ADGRG6: variants seen among roughly 807,000 people sequenced by gnomAD.
ADGRG6 encodes the protein adhesion G protein-coupled receptor G6.
A neutral mutation model predicts 142.4 loss-of-function variants in ADGRG6; 84 were observed. The ratio of observed to expected loss-of-function variants is 0.59; its 90% CI spans 0.49 to 0.71. ADGRG6 has a LOEUF of 0.71. Ranked by LOEUF, ADGRG6 falls within the 30% of genes least tolerant of loss-of-function variation. The probability of loss-of-function intolerance (pLI) is 0.00; values close to 1 mark genes in which losing one functional copy is unlikely to be tolerated. For synonymous variants in ADGRG6, 521 were observed against 520.5 expected (o/e 1.00, Z -0.01); for missense variants, 1,367 against 1,466.6 (o/e 0.93, Z 1.11).
intron 22 of ADGRG6, among the ~76,000 whole-genome samples, chr6:142,430,387 A>G (rs1741391137): frequency 6.6e-6 from 1 of 152,212 alleles, no homozygotes; most frequent in Admixed American, 6.5e-5. Context: ...TTAGAGCACC[A>G]AGTAAATGAC....
At chr6:142,329,286 T>TG (rs1182121789) in intron 2 of ADGRG6, among the ~76,000 whole-genome samples, 1 of 152,168 alleles carries the variant, frequency 6.6e-6, no homozygotes, top group Non-Finnish European at 1.5e-5. Context: ...GGAGAGTTTC[T>TG]GGGGTAATAT....
intron 2 of ADGRG6, among the ~76,000 whole-genome samples, chr6:142,321,358 A>G (rs935941912): frequency 6.6e-6 from 1 of 151,872 alleles, no homozygotes; most frequent in East Asian, 1.9e-4. Flanking sequence ...GTATTTATCC[A>G]AAAGAAATGA....
intron 24 of ADGRG6, among the ~76,000 whole-genome samples, chr6:142,442,455 A>G (rs1051270419): frequency 6.6e-6 from 1 of 152,150 alleles, no homozygotes; most frequent in African/African-American, 2.4e-5. Context: ...ATCTGAGCCA[A>G]TTTTAGAAAG....
rs1451131040 is a variant in ADGRG6 at position 142,403,943 on chromosome 6, T to C, written c.2097T>C (p.Gly699=). 1.9e-6 allele frequency: 3 copies of C among 1,610,378 alleles called. No individual in the cohort carries two copies. In the African/African-American group the frequency reaches 4.0e-5, roughly 22 times the overall value. ...GTNAISNFSI[G]LPSNNESYFQ... ...ATGCAATTTCAAATTTTAGCATTGG[T>C]CTTCCAAGCAATAATGAATCGTATT... is the stretch of plus-strand genomic sequence containing the variant. The change falls in exon 14 of 25, where the codon GGT becomes GGC. Residue 699 remains glycine (G), a synonymous_variant. Coordinates refer to ENST00000367609, the MANE Select transcript of ADGRG6 (RefSeq NM_198569.3).
chr6:142,312,268 A>G (rs908888815), intron 2 of ADGRG6, among the ~76,000 whole-genome samples: 2 of 152,056 alleles, frequency 1.3e-5, no homozygotes, highest in African/African-American at 4.8e-5. Context: ...TTCCAATAAC[A>G]TCCATAGTTT....
At position 142,392,931 on chromosome 6, in the gene ADGRG6, TC is replaced by T. The variant is rs762295037; in HGVS notation, c.1309-15del. 1 of 1,574,950 alleles carries T rather than the reference TC, an allele frequency of 6.3e-7. No homozygotes were observed. The highest frequency in any genetic ancestry group is 1.1e-5 in the South Asian group (1 of 89,536). ...AAGGTATTAGCAAAACTCAGCCTTT[TC>T]CATTGTGTTTTCCAGCTCAATTCAA... On this transcript the variant is annotated splice_polypyrimidine_tract_variant and intron_variant, in intron 7 of 24. Coordinates refer to ENST00000367609, the MANE Select transcript of ADGRG6 (RefSeq NM_198569.3).
intron 8 of ADGRG6, among the ~76,000 whole-genome samples, chr6:142,393,263 G>A (rs966137437): frequency 1.6e-4 from 24 of 151,982 alleles, no homozygotes; most frequent in African/African-American, 4.6e-4. Context: ...AATTAAAATC[G>A]GATAATTAAA....
chr6:142,417,946 A>G (rs1296769532), intron 21 of ADGRG6, among the ~76,000 whole-genome samples: 1 of 152,126 alleles, frequency 6.6e-6, no homozygotes, highest in Non-Finnish European at 1.5e-5. Flanking sequence ...TAAAGAGCCT[A>G]TTTCTGAAAT....
chr6:142,339,464 C>T (rs142981848), intron 2 of ADGRG6, among the ~76,000 whole-genome samples: 1 of 152,290 alleles, frequency 6.6e-6, no homozygotes, highest in Non-Finnish European at 1.5e-5. Flanking sequence ...ACCCTCCTTC[C>T]CCTCCCAGAT....
chr6:142,445,326 T>C lies in ADGRG6; in HGVS notation c.*1811T>C, dbSNP rs1045490567. On this transcript the variant is annotated 3_prime_UTR_variant, in exon 25 of 25. Transcript: ENST00000367609. ...GGTCACTGAGCCAAATCCTTTTCAA[T>C]AGGCATATATTAACAGGCTGCTTAT... 1 of 152,182 alleles carries C rather than the reference T, an allele frequency of 6.6e-6. No individual in the cohort carries two copies. Among genetic ancestry groups the C allele is most frequent in the Non-Finnish European group, 1.5e-5 (1 of 68,016 alleles). The allele number at this position is 152,182 out of a possible 1,614,324, so 9.4% of individuals were successfully genotyped here.
At chr6:142,386,867 C>T (rs1782055524) in intron 6 of ADGRG6, among the ~76,000 whole-genome samples, 1 of 152,118 alleles carries the variant, frequency 6.6e-6, no homozygotes, top group Non-Finnish European at 1.5e-5. Context: ...CACCCACTCA[C>T]ACTGGGACCA....
At chr6:142,436,251 T>G (rs1166283619) in intron 22 of ADGRG6, among the ~76,000 whole-genome samples, 2 of 152,116 alleles carry the variant, frequency 1.3e-5, no homozygotes, top group Non-Finnish European at 2.9e-5. Flanking sequence ...CATGGACATG[T>G]AAACCTTTTT....
intron 22 of ADGRG6, among the ~76,000 whole-genome samples, chr6:142,436,117 G>A (rs904151963): frequency 1.3e-5 from 2 of 152,156 alleles, no homozygotes; most frequent in Admixed American, 6.5e-5. Flanking sequence ...ATCCTGGTGG[G>A]GGGTAGGGGA....
chr6:142,383,905 A>G (rs1781898465), intron 6 of ADGRG6, 62 bp downstream of exon 6: 1 of 824,116 alleles, frequency 1.2e-6, no homozygotes, highest in Non-Finnish European at 2.1e-6. Flanking sequence ...TATTCTAAGG[A>G]TGGAAATATG....
At chr6:142,389,160 A>G (rs747828457) in intron 6 of ADGRG6, among the ~76,000 whole-genome samples, 11 of 151,994 alleles carry the variant, frequency 7.2e-5, no homozygotes, top group Non-Finnish European at 1.5e-5. Flanking sequence ...GTTTAGCACA[A>G]GACTCTGATT....
rs35253608 is a variant in ADGRG6 at position 142,391,434 on chromosome 6, TACACACAC to T, written c.1308+1129_1308+1136del. Among the ~76,000 whole-genome samples, 794 of 132,444 alleles carry T rather than the reference TACACACAC, an allele frequency of 6.0e-3. 6 individuals are homozygous for T. Among genetic ancestry groups the T allele is most frequent in the African/African-American group, 0.017 (642 of 36,864 alleles). 86.9% of individuals were successfully genotyped at this position (132,444 alleles called of 152,430 possible). The stretch of plus-strand genomic sequence containing the variant: ...TTACGCATTGAGAGGAAGTGGTAGC[TACACACAC>T]ACACACACACACACACACACACACA... On this transcript the variant is annotated intron_variant, in intron 7 of 24. Transcript: ENST00000367609.
chr6:142,330,451 G>A (rs544860805), intron 2 of ADGRG6, among the ~76,000 whole-genome samples: 5 of 152,284 alleles, frequency 3.3e-5, no homozygotes, highest in East Asian at 3.9e-4. Flanking sequence ...AGATGTGGGA[G>A]TAAATATGGC....
intron 22 of ADGRG6, among the ~76,000 whole-genome samples, chr6:142,429,679 AT>A: frequency 6.6e-6 from 1 of 152,290 alleles, no homozygotes; most frequent in African/African-American, 2.4e-5. Context: ...TTGGTCAAAA[AT>A]CAGTGGTACC....
chr6:142,373,063 G>T (rs1781330463), intron 4 of ADGRG6, among the ~76,000 whole-genome samples: 1 of 152,092 alleles, frequency 6.6e-6, no homozygotes, highest in Non-Finnish European at 1.5e-5. Context: ...CCATGTTACG[G>T]GTTCTATAAT....
Sources: gnomAD v4.1 joint callset for allele counts (sites outside exome capture counted in the v4.1 genomes callset) on GRCh38, gnomAD v4.1.1 for gene constraint, MANE v1.5 for transcripts, NCBI Gene and HGNC (gene_info 2026-07-23, HGNC 2026-07-21) for gene names.